The following BTG4 variants were observed in gnomAD, a reference collection of about 807,000 sequenced individuals.
BTG4 encodes the protein protein BTG4.
Under a neutral mutation model 19.3 loss-of-function variants are expected in BTG4, and 10 were observed. The observed-to-expected ratio is 0.52, with a 90% CI of 0.32 to 0.88. The LOEUF (loss-of-function observed/expected upper bound fraction) is 0.88, where lower values mean the gene tolerates loss of function less well. Among genes scored for constraint, BTG4 ranks in the 40% least tolerant of loss-of-function variants. The probability of loss-of-function intolerance (pLI) is 0.04; values close to 1 mark genes in which losing one functional copy is unlikely to be tolerated. For missense variants in BTG4, 238 were observed against 281.9 expected, an observed-to-expected ratio of 0.84 and a Z score of 1.11; for synonymous variants, 91 against 95.7, an observed-to-expected ratio of 0.95 and a Z score of 0.29.
chr11:111,446,388 C>A, the BTG4 span, among the ~76,000 whole-genome samples: 1 of 152,088 alleles, frequency 6.6e-6, no homozygotes, highest in Non-Finnish European at 1.5e-5. Flanking sequence ...AAGTTCCTCG[C>A]AAAACTTTGA....
chr11:111,450,732 G>A, the BTG4 span: 8 of 152,418 alleles, frequency 5.2e-5, 1 homozygote, highest in African/African-American at 1.9e-4. Context: ...AGGGTCAGAG[G>A]GAATCCCTGC....
chr11:111,396,497 G>A, the BTG4 span, among the ~76,000 whole-genome samples: 1 of 152,172 alleles, frequency 6.6e-6, no homozygotes, highest in African/African-American at 2.4e-5. Flanking sequence ...CTACCCCCTT[G>A]TTTTTTGTCA....
intron 1 of BTG4, among the ~76,000 whole-genome samples, chr11:111,509,237 T>C (rs1200058125): frequency 6.6e-6 from 1 of 152,230 alleles, no homozygotes; most frequent in East Asian, 1.9e-4. Context: ...TCAATTATTT[T>C]TAGTTCTTCA....
At chr11:111,393,217 C>T in the BTG4 span, among the ~76,000 whole-genome samples, 6 of 152,106 alleles carry the variant, frequency 3.9e-5, no homozygotes, top group African/African-American at 1.2e-4. Flanking sequence ...GTCAAGGAAC[C>T]GGATTACTAA....
At chr11:111,491,734 C>CAAAAAAAA (rs5794751), downstream of BTG4, among the ~76,000 whole-genome samples, 1 of 99,896 alleles carries the variant, frequency 1.0e-5, no homozygotes, top group Admixed American at 1.0e-4. Flanking sequence ...GACCTGATCT[C>CAAAAAAAA]AAAAAAAAAA....
At chr11:111,499,937 T>A (rs2135694435) in intron 1 of BTG4, among the ~76,000 whole-genome samples, 1 of 151,916 alleles carries the variant, frequency 6.6e-6, no homozygotes, top group Middle Eastern at 3.4e-3. Flanking sequence ...AGGTCAGGAG[T>A]TCGAGATCAG....
the BTG4 span, among the ~76,000 whole-genome samples, chr11:111,433,588 A>C: frequency 2.0e-5 from 3 of 152,256 alleles, no homozygotes; most frequent in Non-Finnish European, 2.9e-5. Context: ...TCTTCACAGC[A>C]AAAGAAACTA....
At chr11:111,468,273 T>A (rs888002734) in intron 5 of BTG4, among the ~76,000 whole-genome samples, 45 of 152,386 alleles carry the variant, frequency 3.0e-4, no homozygotes, top group African/African-American at 9.9e-4. Flanking sequence ...AATCCCATTT[T>A]ATGGATGGGT....
At chr11:111,483,621 T>C (rs987229499) in intron 5 of BTG4, among the ~76,000 whole-genome samples, 1 of 151,944 alleles carries the variant, frequency 6.6e-6, no homozygotes, top group Admixed American at 6.6e-5. Flanking sequence ...CAACAGCAAA[T>C]TGACCAAGCT....
At chr11:111,439,791 T>C in the BTG4 span, among the ~76,000 whole-genome samples, 1 of 152,152 alleles carries the variant, frequency 6.6e-6, no homozygotes, top group East Asian at 1.9e-4. Flanking sequence ...TTCAAAGACA[T>C]GCTCAGCACT....
At chr11:111,452,168 A>C in the BTG4 span, among the ~76,000 whole-genome samples, 2 of 152,196 alleles carry the variant, frequency 1.3e-5, no homozygotes, top group African/African-American at 4.8e-5. Flanking sequence ...AACATCCAAG[A>C]GGTTTTACTG....
chr11:111,490,649 A>T (rs1376475688), downstream of BTG4, among the ~76,000 whole-genome samples: 1 of 152,304 alleles, frequency 6.6e-6, no homozygotes, highest in Non-Finnish European at 1.5e-5. Flanking sequence ...TCAGATGCCA[A>T]ATGAGCACAA....
At chr11:111,389,561 C>T in the BTG4 span, among the ~76,000 whole-genome samples, 3 of 152,176 alleles carry the variant, frequency 2.0e-5, no homozygotes, top group East Asian at 3.8e-4. Flanking sequence ...ATCCGTGGTC[C>T]ACCAAAGTGC....
At chr11:111,488,111 G>A (rs1322995995) in intron 5 of BTG4, among the ~76,000 whole-genome samples, 1 of 152,102 alleles carries the variant, frequency 6.6e-6, no homozygotes, top group East Asian at 1.9e-4. Flanking sequence ...ATTCTAAAAT[G>A]TATATGGAAT....
chr11:111,401,481 C>A, the BTG4 span, among the ~76,000 whole-genome samples: 75 of 137,870 alleles, frequency 5.4e-4, no homozygotes, highest in Admixed American at 7.1e-4. Context: ...GACTCCGTCT[C>A]AAAAAAAAAA....
chr11:111,430,995 C>T, the BTG4 span, among the ~76,000 whole-genome samples: 22,258 of 152,208 alleles, frequency 0.15, 2,212 homozygotes, highest in African/African-American at 0.28. Flanking sequence ...AAAAGCAGCT[C>T]AGCATGGTCT....
chr11:111,500,565 C>T (rs919992585), intron 1 of BTG4, among the ~76,000 whole-genome samples: 1 of 152,212 alleles, frequency 6.6e-6, no homozygotes, highest in African/African-American at 2.4e-5. Flanking sequence ...CCTCCCTCAG[C>T]TTTCTCTTTG....
chr11:111,509,331 G>C (rs1323374299), intron 1 of BTG4, among the ~76,000 whole-genome samples: 1 of 152,094 alleles, frequency 6.6e-6, no homozygotes, highest in African/African-American at 2.4e-5. Context: ...TTAATAATCT[G>C]ACATTTATTG....
At chr11:111,449,676 A>AG in the BTG4 span, 86 of 152,546 alleles carry the variant, frequency 5.6e-4, no homozygotes, top group Middle Eastern at 3.4e-3. Context: ...GAGCTTCCCC[A>AG]GGGAGGTGTC....
Sources: allele counts gnomAD v4.1 joint callset (sites outside exome capture counted in the v4.1 genomes callset), GRCh38; gene constraint gnomAD v4.1.1; transcripts MANE v1.5; gene names NCBI Gene and HGNC (gene_info 2026-07-23, HGNC 2026-07-21).